The following CCND3 variants were observed in gnomAD, a reference collection of about 807,000 sequenced individuals.
CCND3 encodes the protein cyclin D3, also known as G1/S-specific cyclin-D3.
CCND3 carries 9 observed loss-of-function variants against 28.7 expected under a neutral mutation model. The observed-to-expected ratio is 0.31, with a 90% CI of 0.19 to 0.55. The LOEUF (loss-of-function observed/expected upper bound fraction) is 0.55. Among genes scored for constraint, CCND3 ranks in the 20% least tolerant of loss-of-function variants. The pLI is 0.93. For missense variants in CCND3, 315 were observed against 385.8 expected (o/e 0.82, Z 1.54); for synonymous variants, 164 against 163.9 (o/e 1.00, Z 0.00).
At chr6:42,018,556 A>G (rs1582168804) in intron 1 of CCND3, 1 of 152,232 alleles carries the variant, frequency 6.6e-6, no homozygotes, top group East Asian at 1.9e-4. Context: ...TCTCAGAAAA[A>G]TGCCTTTTCC....
At chr6:41,991,120 G>C (rs528516673) in intron 1 of CCND3, among the ~76,000 whole-genome samples, 2 of 151,310 alleles carry the variant, frequency 1.3e-5, no homozygotes, top group African/African-American at 4.9e-5. Flanking sequence ...GTGCAATGGC[G>C]TGATCTCAGC....
chr6:42,040,131 G>A (rs536149303), intron 1 of CCND3, among the ~76,000 whole-genome samples: 2 of 152,318 alleles, frequency 1.3e-5, no homozygotes, highest in African/African-American at 4.8e-5. Flanking sequence ...TGCATGAAAA[G>A]TCTGAACCGG....
intron 1 of CCND3, among the ~76,000 whole-genome samples, chr6:41,954,457 A>G (rs1776392162): frequency 6.6e-6 from 1 of 151,390 alleles, no homozygotes; most frequent in South Asian, 2.1e-4. Context: ...AGGCTGAGGC[A>G]GGAGAATTAC....
chr6:42,000,786 C>T (rs1315658028), intron 1 of CCND3, among the ~76,000 whole-genome samples: 3 of 149,716 alleles, frequency 2.0e-5, no homozygotes, highest in Non-Finnish European at 4.4e-5. Flanking sequence ...AGGCTGGTCT[C>T]GAACTCCCGA....
intron 1 of CCND3, among the ~76,000 whole-genome samples, chr6:41,951,486 CG>C (rs1405089866): frequency 3.4e-5 from 5 of 146,454 alleles, no homozygotes; most frequent in Non-Finnish European, 6.0e-5. Flanking sequence ...GGCGTGAACC[CG>C]GGAGGCAGAG....
Position 41,990,660 on chromosome 6 carries a change from A to ATTTTTTTTTTTTTTTTTTT in CCND3, c.-45-50094_-45-50076dup, listed in dbSNP as rs67939325. Among the ~76,000 whole-genome samples, 2 of 121,276 alleles carry ATTTTTTTTTTTTTTTTTTT rather than the reference A, an allele frequency of 1.6e-5. 1 individual carries two copies. Among genetic ancestry groups the ATTTTTTTTTTTTTTTTTTT allele is most frequent in the Non-Finnish European group, 3.3e-5 (2 of 60,716 alleles). The allele number at this position is 121,276 out of a possible 152,430, so 79.6% of individuals were successfully genotyped here. A position where few individuals can be genotyped will look rare whatever the true frequency, so the allele number is the denominator to read the frequency against. On this transcript the variant is annotated intron_variant, in intron 1 of 4. Coordinates refer to the CCND3 transcript ENST00000372988. ...TAGTCCATGAATCTATAACCAACTG[A>ATTTTTTTTTTTTTTTTTTT]TTTTTTTTTTTTTTTTTTTTTTTTT... is the stretch of plus-strand genomic sequence containing the variant.
chr6:41,950,028 G>A (rs1334174831), intron 1 of CCND3, among the ~76,000 whole-genome samples: 16 of 150,954 alleles, frequency 1.1e-4, no homozygotes, highest in Non-Finnish European at 1.9e-4. Flanking sequence ...GCGTGAACCC[G>A]GGAAGCTTGC....
intron 1 of CCND3, among the ~76,000 whole-genome samples, chr6:41,959,910 C>T (rs867325840): frequency 7.4e-5 from 11 of 149,150 alleles, no homozygotes; most frequent in Non-Finnish European, 1.6e-4. Context: ...GAGCTGAGAT[C>T]GCGACACTGC....
At chr6:42,038,120 T>C (rs1015590912) in intron 1 of CCND3, among the ~76,000 whole-genome samples, 2 of 152,064 alleles carry the variant, frequency 1.3e-5, no homozygotes, top group Non-Finnish European at 2.9e-5. Flanking sequence ...TAAAAATTGC[T>C]GCAGCAGACC....
intron 1 of CCND3, among the ~76,000 whole-genome samples, chr6:41,996,175 C>T (rs1300195156): frequency 6.8e-6 from 1 of 147,118 alleles, no homozygotes; most frequent in African/African-American, 2.5e-5. Flanking sequence ...TTGACATGGA[C>T]TTTCACTCTT....
intron 1 of CCND3, among the ~76,000 whole-genome samples, chr6:41,955,788 T>A (rs890773799): frequency 6.7e-6 from 1 of 150,090 alleles, no homozygotes; most frequent in Non-Finnish European, 1.5e-5. Flanking sequence ...CAAAAAAAAA[T>A]TAATTAATTA....
rs1160817384 is a variant in CCND3, at chr6:41,941,538, A to G, written c.112T>C (p.Tyr38His). ...TGGAAGTAGGAGGCGCGGGGTACGT[A>G]GCGCTCCTCCAGGCGGAGCAGGCTC... is the stretch of plus-strand genomic sequence containing the variant. Reference protein sequence around the residue: ...LQSLLRLEERYVPRASYFQCV... With the variant: ...LQSLLRLEERHVPRASYFQCV... The change falls in exon 1 of 5, where the codon TAC becomes CAC. Residue 38 changes from tyrosine (Y) to histidine (H), a missense_variant. Transcript: ENST00000372991. This position sits in a 1 kb window ranked among gnomAD's most constrained non-coding sequence, Gnocchi z 6.1. The G allele has an allele frequency of 4.4e-6, 7 of 1,602,278 alleles. No individual in the cohort carries two copies. The South Asian group carries it at 7.8e-5, about 18-fold the overall frequency.
chr6:42,020,189 G>A (rs1008913147), intron 1 of CCND3, among the ~76,000 whole-genome samples: 2 of 152,182 alleles, frequency 1.3e-5, no homozygotes, highest in Admixed American at 6.5e-5. Context: ...TGAGGCAGGA[G>A]AATGGCACGA....
At chr6:41,996,427 G>T (rs895134392) in intron 1 of CCND3, among the ~76,000 whole-genome samples, 6 of 151,824 alleles carry the variant, frequency 4.0e-5, no homozygotes, top group African/African-American at 1.5e-4. Flanking sequence ...TGGGATTACA[G>T]GTGTAAGCCA....
intron 1 of CCND3, among the ~76,000 whole-genome samples, chr6:42,036,403 A>ATATATATATTTT (rs57619585): frequency 1.3e-4 from 4 of 31,318 alleles, no homozygotes; most frequent in Non-Finnish European, 1.5e-4. Context: ...ATATATATAT[A>ATATATATATTTT]TTTTTTTTTT....
Position 42,023,789 on chromosome 6 carries a change from G to A in CCND3, c.-46+24712C>T, listed in dbSNP as rs140404836. On this transcript the variant is annotated intron_variant, in intron 1 of 4. Coordinates refer to the CCND3 transcript ENST00000372988. Reference sequence around the variant, plus strand: ...CAAGCAGGGTCCTGACCCTGTCACTGACCATCTTAACTGTACAATGGGGGA... The same window carrying A: ...CAAGCAGGGTCCTGACCCTGTCACTAACCATCTTAACTGTACAATGGGGGA... Among the ~76,000 whole-genome samples, 238 of 152,214 alleles carry A rather than the reference G, an allele frequency of 1.6e-3. 3 individuals carry two copies. The highest frequency in any genetic ancestry group is 4.7e-3 in the African/African-American group (197 of 41,542).
chr6:42,038,088 G>A (rs1235141426), intron 1 of CCND3, among the ~76,000 whole-genome samples: 1 of 150,390 alleles, frequency 6.6e-6, no homozygotes, highest in East Asian at 2.0e-4. Flanking sequence ...AGAATGTAAA[G>A]TGGTCCTGAG....
In CCND3 at chr6:41,936,748, C is replaced by T. The variant is rs1404185629; in HGVS notation, c.575-53G>A. 5 of 1,580,460 alleles carry T rather than the reference C, an allele frequency of 3.2e-6. No homozygotes were observed. In the East Asian group the frequency reaches 1.1e-4, roughly 36 times the overall value. On this transcript the variant is annotated intron_variant, in intron 3 of 4. Coordinates refer to ENST00000372991, the MANE Select transcript of CCND3 (RefSeq NM_001760.5). The surrounding 1 kb of genome is among the most constrained non-coding windows in gnomAD (Gnocchi z 4.4). ...GAGAAGGAAACCTGAAGGATAACGG[C>T]CAGCATGGACTTCCGACTCCTTGGA...
upstream of CCND3, chr6:42,049,797 T>C (rs1026865558): frequency 1.3e-5 from 2 of 152,170 alleles, no homozygotes; most frequent in African/African-American, 4.8e-5. Context: ...TGCTCCAGGG[T>C]TTCCCAACAT....
Sources: gnomAD v4.1 joint callset for allele counts (sites outside exome capture counted in the v4.1 genomes callset) on GRCh38, gnomAD v4.1.1 for gene constraint, Gnocchi (gnomAD v3.1) non-coding constraint, MANE v1.5 for transcripts, NCBI Gene and HGNC (gene_info 2026-07-23, HGNC 2026-07-21) for gene names.